Variants in SYTL5 observed in about 807,000 individuals in gnomAD.
The protein encoded by SYTL5 is synaptotagmin like 5, also known as synaptotagmin-like protein 5.
A neutral mutation model predicts 55.9 loss-of-function variants in SYTL5; 34 were observed. The ratio of observed to expected loss-of-function variants is 0.61; its 90% CI spans 0.46 to 0.81. The LOEUF is 0.81. Among genes scored for constraint, SYTL5 ranks in the 30% least tolerant of loss-of-function variants. The probability of loss-of-function intolerance (pLI) is 0.00; values close to 1 mark genes in which losing one functional copy is unlikely to be tolerated. For missense variants in SYTL5, 637 were observed against 546.7 expected (o/e 1.17, Z -1.65); for synonymous variants, 221 against 188.7 (o/e 1.17, Z -1.40).
the SYTL5 span, among the ~76,000 whole-genome samples, chrX:37,978,781 AG>A: frequency 9.0e-6 from 1 of 111,179 alleles, no homozygotes; most frequent in Admixed American, 9.6e-5. Flanking sequence ...ACTGAGAAAA[AG>A]CTTCAAAGAT....
the SYTL5 span, among the ~76,000 whole-genome samples, chrX:37,945,147 T>C: frequency 6.2e-5 from 7 of 112,908 alleles, no homozygotes; most frequent in African/African-American, 1.9e-4. Context: ...TAAATTGAGA[T>C]AACTGTGAAT....
chrX:37,979,108 A>G, the SYTL5 span, among the ~76,000 whole-genome samples: 58 of 111,597 alleles, frequency 5.2e-4, no homozygotes, highest in African/African-American at 1.8e-3. Context: ...TTAGAAGTTT[A>G]TTTTGCCAAA....
chrX:37,942,253 T>C, the SYTL5 span, among the ~76,000 whole-genome samples: 5 of 112,064 alleles, frequency 4.5e-5, no homozygotes, highest in East Asian at 1.4e-3. Flanking sequence ...TTAAGGGAAA[T>C]AGCACATCAC....
chrX:38,123,289 T>C (rs1226639579), intron 15 of SYTL5, among the ~76,000 whole-genome samples: 1 of 110,532 alleles, frequency 9.0e-6, no homozygotes, highest in Non-Finnish European at 1.9e-5. Flanking sequence ...ACAGGTATTT[T>C]TATTTTTATT....
At chrX:37,892,695 T>C in the SYTL5 span, among the ~76,000 whole-genome samples, 1 of 86,382 alleles carries the variant, frequency 1.2e-5, no homozygotes, top group African/African-American at 5.4e-5. Flanking sequence ...TTAGTATATA[T>C]ACATATATTA....
At chrX:38,115,133 A>G (rs1249450378) in intron 13 of SYTL5, among the ~76,000 whole-genome samples, 2 of 111,639 alleles carry the variant, frequency 1.8e-5, no homozygotes, top group Non-Finnish European at 3.8e-5. Context: ...TTGTTTCTAT[A>G]TGTTGGCTAT....
At chrX:37,922,820 A>C in the SYTL5 span, among the ~76,000 whole-genome samples, 2 of 111,070 alleles carry the variant, frequency 1.8e-5, no homozygotes, top group East Asian at 5.7e-4. Context: ...CTTAACGTGA[A>C]TTTTCTCTTG....
chrX:37,962,634 T>C, the SYTL5 span, among the ~76,000 whole-genome samples: 1 of 111,970 alleles, frequency 8.9e-6, no homozygotes, highest in Non-Finnish European at 1.9e-5. Context: ...TTCTAGATCC[T>C]TGAGGAATCA....
the SYTL5 span, among the ~76,000 whole-genome samples, chrX:37,967,721 T>C: frequency 9.0e-6 from 1 of 110,971 alleles, no homozygotes; most frequent in African/African-American, 3.3e-5. Context: ...GTCTCATAAG[T>C]CTCTTAAGTT....
In SYTL5 at chrX:38,120,422, T is replaced by C; in HGVS notation, c.1661T>C (p.Ile554Thr). 1 of 1,210,615 alleles carries C rather than the reference T, an allele frequency of 8.3e-7. No homozygotes were observed. The highest frequency in any genetic ancestry group is 1.1e-6 in the Non-Finnish European group (1 of 894,552). Residue 554 changes from isoleucine (I) to threonine (T), a missense_variant, in exon 14 of 17, where the codon ATT becomes ACT. Ile to Thr is a moderately conservative substitution (Grantham distance 89). Coordinates refer to ENST00000297875, the MANE Select transcript of SYTL5 (RefSeq NM_138780.3). ...GAGCTGACAGTTGTTTTACGTTACA[T>C]TCCCCCAGAAGAGAACCTGATGCTT... ...KGELTVVLRY[I>T]PPEENLMLPP...
At chrX:38,054,586 GT>G (rs201033593) in intron 3 of SYTL5, among the ~76,000 whole-genome samples, 164 bp downstream of exon 3, 1,251 of 22,469 alleles carry the variant, frequency 0.056, 28 homozygotes, top group African/African-American at 0.36. Context: ...GCTCTGGGGT[GT>G]GTGTGTGTGT....
intron 1 of SYTL5, among the ~76,000 whole-genome samples, chrX:38,018,530 C>T (rs112336952): frequency 3.2e-3 from 350 of 110,766 alleles, no homozygotes; most frequent in African/African-American, 0.011. Context: ...AGTATCCGGA[C>T]CTCAACATAT....
chrX:38,077,215 C>T (rs183469496), intron 6 of SYTL5, among the ~76,000 whole-genome samples: 94 of 111,237 alleles, frequency 8.5e-4, no homozygotes, highest in Non-Finnish European at 5.8e-4. Context: ...TATCACTTGT[C>T]AAGAAAAATA....
chrX:38,096,279 G>A (rs768892846), intron 9 of SYTL5, 45 bp downstream of exon 9: 3 of 809,468 alleles, frequency 3.7e-6, no homozygotes, highest in Non-Finnish European at 5.5e-6. Flanking sequence ...GAGGAAATAA[G>A]GGCATAATCT....
chrX:37,974,387 A>G, the SYTL5 span, among the ~76,000 whole-genome samples: 1 of 112,100 alleles, frequency 8.9e-6, no homozygotes, highest in African/African-American at 3.2e-5. Flanking sequence ...CAGTAGGTAA[A>G]TAGAGAGAAA....
chrX:37,985,934 T>C, the SYTL5 span, among the ~76,000 whole-genome samples: 1 of 111,124 alleles, frequency 9.0e-6, no homozygotes, highest in African/African-American at 3.3e-5. Flanking sequence ...AAACAAATTG[T>C]GCTGGTATAA....
chrX:38,049,640 A>G (rs1935570485), intron 2 of SYTL5, among the ~76,000 whole-genome samples: 1 of 111,747 alleles, frequency 8.9e-6, no homozygotes, highest in Non-Finnish European at 1.9e-5. Flanking sequence ...ATTACACTCC[A>G]TTGGCCAGCA....
At chrX:38,023,516 C>T (rs1269005051) in intron 1 of SYTL5, among the ~76,000 whole-genome samples, 2 of 111,867 alleles carry the variant, frequency 1.8e-5, no homozygotes, top group African/African-American at 3.2e-5. Context: ...TATGCATTTA[C>T]ATTTATTATG....
chrX:37,934,397 T>A, the SYTL5 span, among the ~76,000 whole-genome samples: 2 of 108,188 alleles, frequency 1.8e-5, no homozygotes, highest in African/African-American at 6.7e-5. Flanking sequence ...GTTGAAAAGT[T>A]CAATAACTAA....
Sources: allele counts gnomAD v4.1 joint callset (sites outside exome capture counted in the v4.1 genomes callset), GRCh38; gene constraint gnomAD v4.1.1; transcripts MANE v1.5; gene names NCBI Gene and HGNC (gene_info 2026-07-23, HGNC 2026-07-21).